The following SLC7A11 variants were observed in gnomAD, a reference collection of about 807,000 sequenced individuals.
SLC7A11 encodes the protein solute carrier family 7 member 11.
A neutral mutation model predicts 54.5 loss-of-function variants in SLC7A11; 35 were observed. That is an observed-to-expected ratio of 0.64 (90% CI 0.49 to 0.85). The LOEUF is 0.85. SLC7A11 is among the 40% of genes least tolerant of loss of function. The pLI, the probability that SLC7A11 is intolerant of heterozygous loss-of-function variation, is 0.00. For synonymous variants in SLC7A11, 230 were observed against 225.2 expected (o/e 1.02, Z -0.19); for missense variants, 583 against 618.1 (o/e 0.94, Z 0.60).
At chr4:138,195,349 G>C (rs1039497698) in intron 6 of SLC7A11, among the ~76,000 whole-genome samples, 1 of 152,108 alleles carries the variant, frequency 6.6e-6, no homozygotes, top group African/African-American at 2.4e-5. Flanking sequence ...ATTTCAGGAG[G>C]ATATTTCCCA....
At chr4:138,193,097 C>A (rs1251833026) in intron 6 of SLC7A11, among the ~76,000 whole-genome samples, 1 of 152,148 alleles carries the variant, frequency 6.6e-6, no homozygotes, top group Non-Finnish European at 1.5e-5. Context: ...CATCACATTT[C>A]TGCTGCATAA....
chr4:138,220,180 C>T (rs1026560907), intron 4 of SLC7A11, among the ~76,000 whole-genome samples: 3 of 152,012 alleles, frequency 2.0e-5, no homozygotes, highest in Non-Finnish European at 2.9e-5. Flanking sequence ...TCTTGTGATC[C>T]GCCCGCCTCG....
At position 138,170,209 on chromosome 4, in the gene SLC7A11, A is replaced by ATATG. The variant is rs1383528282; in HGVS notation, c.*1746_*1747insCATA. 1 of 105,494 alleles carries ATATG rather than the reference A, an allele frequency of 9.5e-6. No individual in the cohort carries two copies. Among genetic ancestry groups the ATATG allele is most frequent in the Non-Finnish European group, 2.0e-5 (1 of 49,556 alleles). The allele number at this position is 105,494 out of a possible 1,614,324, so 6.5% of individuals were successfully genotyped here. ...TACTCTCATTTGTAAGTTCCACTAT[A>ATATG]TATATATATATATATATATAAAAAG... is the stretch of plus-strand genomic sequence containing the variant. On this transcript the variant is annotated 3_prime_UTR_variant, in exon 12 of 12. Coordinates refer to ENST00000280612, the MANE Select transcript of SLC7A11 (RefSeq NM_014331.4).
intron 6 of SLC7A11, among the ~76,000 whole-genome samples, chr4:138,212,856 A>G (rs1737583758): frequency 6.6e-6 from 1 of 151,954 alleles, no homozygotes; most frequent in Non-Finnish European, 1.5e-5. Context: ...CTTGTCTGCA[A>G]CCCTACAATT....
At chr4:138,205,929 T>C (rs950155483) in intron 6 of SLC7A11, among the ~76,000 whole-genome samples, 6 of 152,048 alleles carry the variant, frequency 3.9e-5, no homozygotes, top group African/African-American at 1.4e-4. Context: ...GCAGTCAAAA[T>C]ATTTGACCCA....
At chr4:138,223,014 T>C (rs1737852672) in intron 4 of SLC7A11, among the ~76,000 whole-genome samples, 185 bp downstream of exon 4, 1 of 152,132 alleles carries the variant, frequency 6.6e-6, no homozygotes, top group African/African-American at 2.4e-5. Flanking sequence ...CTTTCTGCCA[T>C]TCAACTGTAA....
At position 138,169,622 on chromosome 4, in the gene SLC7A11, A is replaced by G. The variant is rs976330484; in HGVS notation, c.*2334T>C. 6.6e-6 allele frequency: 1 copy of G among 152,154 alleles called. No individual in the cohort carries two copies. Among genetic ancestry groups the G allele is most frequent in the Non-Finnish European group, 1.5e-5 (1 of 68,016 alleles). The allele number at this position is 152,154 out of a possible 1,614,324, so 9.4% of individuals were successfully genotyped here. A position where few individuals can be genotyped will look rare whatever the true frequency, so the allele number is the denominator to read the frequency against. On this transcript the variant is annotated 3_prime_UTR_variant, in exon 12 of 12. Coordinates refer to ENST00000280612, the MANE Select transcript of SLC7A11 (RefSeq NM_014331.4). ...CACATTAACCCCAGGAAGAGCCAAG[A>G]ACTACACAAACCTCTCTATGAGAAT...
At chr4:138,209,421 A>G (rs577768029) in intron 6 of SLC7A11, among the ~76,000 whole-genome samples, 1 of 152,090 alleles carries the variant, frequency 6.6e-6, no homozygotes, top group South Asian at 2.1e-4. Flanking sequence ...TATCTACCTA[A>G]AAAATAATGC....
Position 138,179,295 on chromosome 4 carries a change from T to G in SLC7A11, c.1366A>C (p.Ile456Leu), listed in dbSNP as rs1157537714. ...TACGCAGGGACTCCAGTCAGAGTGA[T>G]GACGAAGCCAATCCCTGTACTAAAT... The part of the protein sequence containing the change: ...DPFSTGIGFV[I>L]TLTGVPAYYL... Residue 456 changes from isoleucine to leucine, a missense_variant, in exon 11 of 12, where the codon ATC becomes CTC. By Grantham distance (5) the Ile-to-Leu change is conservative. Coordinates refer to ENST00000280612, the MANE Select transcript of SLC7A11 (RefSeq NM_014331.4). 1.2e-6 allele frequency: 2 copies of G among 1,612,708 alleles called. No individual in the cohort carries two copies. Among genetic ancestry groups the G allele is most frequent in the Admixed American group, 1.7e-5 (1 of 59,918 alleles).
chr4:138,188,843 A>C (rs1353773340), intron 6 of SLC7A11, among the ~76,000 whole-genome samples: 1 of 152,180 alleles, frequency 6.6e-6, no homozygotes, highest in Non-Finnish European at 1.5e-5. Flanking sequence ...ACTCACTCTT[A>C]ACAAAATTAA....
At chr4:138,202,594 C>T (rs4131888) in intron 6 of SLC7A11, among the ~76,000 whole-genome samples, 26,677 of 151,914 alleles carry the variant, frequency 0.18, 2,587 homozygotes, top group East Asian at 0.25. Context: ...ACATTTCCAC[C>T]CTTCAGCCAT....
chr4:138,240,319 C>A lies in SLC7A11; in HGVS notation c.277+1474G>T, dbSNP rs185134219. 2.5e-3 allele frequency among the ~76,000 whole-genome samples: 385 copies of A among 152,162 alleles called. 1 individual carries two copies. Among genetic ancestry groups the A allele is most frequent in the Non-Finnish European group, 4.0e-3 (271 of 67,998 alleles). On this transcript the variant is annotated intron_variant, in intron 1 of 11. Transcript: ENST00000280612. ...CGGTGGCTCATATCTGTAATCCCAG[C>A]ACTTTGGGAGACTGAGGTGGGTGGA...
intron 4 of SLC7A11, 114 bp downstream of exon 4, chr4:138,223,084 TA>T: frequency 1.1e-6 from 1 of 936,486 alleles, no homozygotes; most frequent in Non-Finnish European, 1.6e-6. Context: ...ATATAGAGTT[TA>T]AGTTCCACAG....
In SLC7A11 at chr4:138,171,783, T is replaced by G; in HGVS notation, c.*173A>C. The stretch of plus-strand genomic sequence containing the variant: ...CACTTTCTATAACTACATAGAGTTA[T>G]AACTAAATTTCTTAGAAATTAGTTC... On this transcript the variant is annotated 3_prime_UTR_variant, in exon 12 of 12. Coordinates refer to ENST00000280612, the MANE Select transcript of SLC7A11 (RefSeq NM_014331.4). 1 of 771,426 alleles carries G rather than the reference T, an allele frequency of 1.3e-6. No individual in the cohort carries two copies. The highest frequency in any genetic ancestry group is 2.1e-5 in the South Asian group (1 of 47,444). 47.8% of individuals were successfully genotyped at this position (771,426 alleles called of 1,614,324 possible). A position where few individuals can be genotyped will look rare whatever the true frequency, so the allele number is the denominator to read the frequency against.
chr4:138,236,556 C>T, intron 1 of SLC7A11, 105 bp from the exon 2 acceptor site: 2 of 1,112,242 alleles, frequency 1.8e-6, no homozygotes, highest in South Asian at 3.2e-5. Flanking sequence ...GATGTAACTG[C>T]CTCCTTTGGT....
chr4:138,212,040 C>T (rs554861825), intron 6 of SLC7A11, among the ~76,000 whole-genome samples: 30 of 151,760 alleles, frequency 2.0e-4, no homozygotes, highest in African/African-American at 7.2e-4. Context: ...ATATTCTCAA[C>T]ACAAAAAAAG....
intron 2 of SLC7A11, among the ~76,000 whole-genome samples, chr4:138,234,224 C>CA: frequency 6.6e-6 from 1 of 152,216 alleles, no homozygotes; most frequent in South Asian, 2.1e-4. Flanking sequence ...AGTGCACACG[C>CA]AAATTCGGTT....
chr4:138,202,713 C>G (rs1029829186), intron 6 of SLC7A11, among the ~76,000 whole-genome samples: 2 of 152,070 alleles, frequency 1.3e-5, no homozygotes, highest in Non-Finnish European at 2.9e-5. Context: ...GCTACTCCAC[C>G]ATTTCTTTTT....
chr4:138,206,099 T>C lies in SLC7A11; in HGVS notation c.791+8486A>G, dbSNP rs1164862349. Among the ~76,000 whole-genome samples the C allele has an allele frequency of 1.1e-4, 17 of 152,138 alleles. No homozygotes were observed. In the East Asian group the frequency reaches 2.5e-3, roughly 23 times the overall value. ...CAATTTATCATACATGAATTATTGC[T>C]GTGTAAAGGTATTATAGAGAAGATC... is the stretch of plus-strand genomic sequence containing the variant. On this transcript the variant is annotated intron_variant, in intron 6 of 11. Transcript: ENST00000280612.
Sources: gnomAD v4.1 joint callset for allele counts (sites outside exome capture counted in the v4.1 genomes callset) on GRCh38, gnomAD v4.1.1 for gene constraint, MANE v1.5 for transcripts, NCBI Gene and HGNC (gene_info 2026-07-23, HGNC 2026-07-21) for gene names.